Variants in ERI1 observed in about 807,000 individuals in gnomAD.
The protein encoded by ERI1 is 3'-5' exoribonuclease 1.
In ERI1, 39 loss-of-function variants were observed where a neutral mutation model predicts 39.7. The observed-to-expected ratio is 0.98, with a 90% CI of 0.76 to 1.28. The LOEUF (loss-of-function observed/expected upper bound fraction) is 1.28, where lower values mean the gene tolerates loss of function less well. Ranked by LOEUF, ERI1 falls within the 50% of genes most tolerant of loss-of-function variation. ERI1 has a pLI of 0.00. For missense variants in ERI1, 581 were observed against 416.9 expected (o/e 1.39, Z -3.43); for synonymous variants, 204 against 149.6 (o/e 1.36, Z -2.65).
chr8:9,035,253 A>G (rs571091814), downstream of ERI1, among the ~76,000 whole-genome samples: 10 of 152,300 alleles, frequency 6.6e-5, no homozygotes, highest in African/African-American at 2.2e-4. Flanking sequence ...ACACCATACA[A>G]CAGGTTTTCA....
intron 3 of ERI1, among the ~76,000 whole-genome samples, chr8:9,012,337 G>GT (rs1816759745): frequency 6.6e-6 from 1 of 152,188 alleles, no homozygotes; most frequent in Non-Finnish European, 1.5e-5. Flanking sequence ...TGCTTTATTA[G>GT]TTAAGAAAGT....
intron 3 of ERI1, among the ~76,000 whole-genome samples, chr8:9,065,721 C>CTCCTGGT (rs1798852732): frequency 6.7e-6 from 1 of 148,584 alleles, no homozygotes; most frequent in Non-Finnish European, 1.5e-5. Flanking sequence ...AAAAGGCTGA[C>CTCCTGGT]TCCTGACAAT....
intron 3 of ERI1, among the ~76,000 whole-genome samples, chr8:9,057,514 G>A (rs1256505718): frequency 6.6e-6 from 1 of 152,252 alleles, no homozygotes; most frequent in African/African-American, 2.4e-5. Flanking sequence ...TAACTAGTGT[G>A]TGGTTTGCAA....
At position 9,006,886 on chromosome 8, in the gene ERI1, C is replaced by A. The variant is rs182977519; in HGVS notation, c.109-1084C>A. Among the ~76,000 whole-genome samples the A allele has an allele frequency of 9.2e-5, 14 of 152,234 alleles. No homozygotes were observed. In the East Asian group the frequency reaches 2.3e-3, roughly 25 times the overall value. ...TTAGAGTAAGAAATGGTTCCTGAAC[C>A]ATCAGGATCAGTTCTGAGTTAGGGA... On this transcript the variant is annotated intron_variant, in intron 1 of 6. Transcript: ENST00000250263.
chr8:9,056,472 G>A (rs183974257), intron 3 of ERI1, among the ~76,000 whole-genome samples: 91 of 152,326 alleles, frequency 6.0e-4, no homozygotes, highest in Admixed American at 4.6e-3. Context: ...AGTCATGCAG[G>A]TTGTTTTCAA....
At chr8:9,009,759 C>T (rs1040051859) in intron 2 of ERI1, among the ~76,000 whole-genome samples, 9 of 152,086 alleles carry the variant, frequency 5.9e-5, no homozygotes, top group Non-Finnish European at 1.0e-4. Context: ...AGGCTGGTCT[C>T]GAGCTCCAGC....
intron 3 of ERI1, among the ~76,000 whole-genome samples, chr8:9,073,732 T>C (rs1314678114): frequency 1.3e-5 from 2 of 152,216 alleles, no homozygotes; most frequent in Non-Finnish European, 2.9e-5. Context: ...AAGCCTCTTA[T>C]TTCTTAAACA....
chr8:9,048,058 C>T (rs1346264092), intron 3 of ERI1, among the ~76,000 whole-genome samples: 1 of 152,208 alleles, frequency 6.6e-6, no homozygotes, highest in East Asian at 1.9e-4. Flanking sequence ...CTAGGTCCCC[C>T]AGACTCTGCA....
At chr8:9,004,692 T>TG (rs1441065522) in intron 1 of ERI1, among the ~76,000 whole-genome samples, 1 of 147,954 alleles carries the variant, frequency 6.8e-6, no homozygotes, top group African/African-American at 2.6e-5. Flanking sequence ...TACTTTTTTT[T>TG]TTTTTTTTTT....
intron 2 of ERI1, among the ~76,000 whole-genome samples, chr8:9,011,096 G>A (rs954993351): frequency 5.9e-5 from 9 of 152,084 alleles, no homozygotes; most frequent in Non-Finnish European, 1.0e-4. Flanking sequence ...AGAAAGGAAA[G>A]AGATAATACG....
At chr8:9,096,443 C>T (rs182890576) in intron 3 of ERI1, among the ~76,000 whole-genome samples, 4 of 152,254 alleles carry the variant, frequency 2.6e-5, no homozygotes, top group Admixed American at 6.5e-5. Flanking sequence ...GCCAAGTACC[C>T]CAGAAGCAAT....
At chr8:9,086,782 G>C (rs1799541783) in intron 3 of ERI1, among the ~76,000 whole-genome samples, 1 of 152,188 alleles carries the variant, frequency 6.6e-6, no homozygotes. Flanking sequence ...ACATGATGTT[G>C]TAAAAACATA....
At chr8:9,028,932 T>C (rs548913424) in intron 6 of ERI1, among the ~76,000 whole-genome samples, 1 of 151,684 alleles carries the variant, frequency 6.6e-6, no homozygotes, top group East Asian at 1.9e-4. Context: ...CCAATAATTC[T>C]TAAAAGTGGA....
rs956766135 is a variant in ERI1 at position 9,030,790 on chromosome 8, T to G, written c.*756T>G. On this transcript the variant is annotated 3_prime_UTR_variant, in exon 7 of 7. Transcript: ENST00000250263. The stretch of plus-strand genomic sequence containing the variant: ...CTTTTTTGACATATGTATGCCTTAA[T>G]TCTTAAATCTGAGGGACCATGCTTT... The G allele has an allele frequency of 6.6e-6, 1 of 152,202 alleles. No homozygotes were observed. The highest frequency in any genetic ancestry group is 1.5e-5 in the Non-Finnish European group (1 of 68,018). The allele number at this position is 152,202 out of a possible 1,614,324, so 9.4% of individuals were successfully genotyped here. A position where few individuals can be genotyped will look rare whatever the true frequency, so the allele number is the denominator to read the frequency against.
At chr8:9,021,781 T>G (rs951334140) in intron 6 of ERI1, among the ~76,000 whole-genome samples, 4 of 137,410 alleles carry the variant, frequency 2.9e-5, no homozygotes, top group Admixed American at 7.2e-5. Flanking sequence ...TTTGTTTTTT[T>G]TTTTTTTTCA....
At chr8:9,074,191 A>C (rs1239004598) in intron 3 of ERI1, among the ~76,000 whole-genome samples, 6 of 150,646 alleles carry the variant, frequency 4.0e-5, no homozygotes, top group Admixed American at 2.6e-4. Context: ...GCTCACTGCA[A>C]CCTCCGCCTC....
rs1797505729 is a variant in ERI1, at chr8:9,030,432, A to T, written c.*398A>T. 5.6e-6 allele frequency: 1 copy of T among 178,418 alleles called. No homozygotes were observed. Among genetic ancestry groups the T allele is most frequent in the African/African-American group, 2.3e-5 (1 of 42,556 alleles). The allele number at this position is 178,418 out of a possible 1,614,324, so 11.1% of individuals were successfully genotyped here. A position where few individuals can be genotyped will look rare whatever the true frequency, so the allele number is the denominator to read the frequency against. ...TCACTAGATGAAACCATATCTTAAA[A>T]TGCAGAAATGATTGGAAGGTAGATC... On this transcript the variant is annotated 3_prime_UTR_variant, in exon 7 of 7. Coordinates refer to ENST00000250263, the MANE Select transcript of ERI1 (RefSeq NM_153332.4).
chr8:9,072,566 G>A (rs951021805), intron 3 of ERI1: 7 of 151,904 alleles, frequency 4.6e-5, no homozygotes, highest in African/African-American at 1.2e-4. Flanking sequence ...GGATCCTTCC[G>A]TCGCCGCCTC....
Position 9,095,181 on chromosome 8 carries a change from C to T in ERI1, n.300-21167C>T, listed in dbSNP as rs530549488. On this transcript the variant is annotated intron_variant and non_coding_transcript_variant, in intron 3 of 3. Transcript: ENST00000518663. Reference sequence around the variant, plus strand: ...ACGCTGTAGGGCTTCATGAGTGCTACCTCTTTGAAAACACTTTTAAATTTT... The same window carrying T: ...ACGCTGTAGGGCTTCATGAGTGCTATCTCTTTGAAAACACTTTTAAATTTT... Among the ~76,000 whole-genome samples, 4 of 152,244 alleles carry T rather than the reference C, an allele frequency of 2.6e-5. No homozygotes were observed. In the South Asian group the frequency reaches 8.3e-4, roughly 32 times the overall value.
Sources: allele counts gnomAD v4.1 joint callset (sites outside exome capture counted in the v4.1 genomes callset), GRCh38; gene constraint gnomAD v4.1.1; transcripts MANE v1.5; gene names NCBI Gene and HGNC (gene_info 2026-07-23, HGNC 2026-07-21).